SFMBT2: variants seen among roughly 807,000 people sequenced by gnomAD.
SFMBT2 encodes scm-like with four MBT domains protein 2.
Under a neutral mutation model 110.1 loss-of-function variants are expected in SFMBT2, and 38 were observed. The ratio of observed to expected loss-of-function variants is 0.35; its 90% CI spans 0.27 to 0.45. The LOEUF is 0.45. SFMBT2 is among the 20% of genes least tolerant of loss of function. The probability of loss-of-function intolerance (pLI) is 1.00; values close to 1 mark genes in which losing one functional copy is unlikely to be tolerated. For synonymous variants in SFMBT2, 425 were observed against 425.4 expected, an observed-to-expected ratio of 1.00 and a Z score of 0.01; for missense variants, 1,011 against 1,094.9, an observed-to-expected ratio of 0.92 and a Z score of 1.08.
At chr10:7,403,364 C>A (rs1846131642) in intron 1 of SFMBT2, among the ~76,000 whole-genome samples, 1 of 152,204 alleles carries the variant, frequency 6.6e-6, no homozygotes, top group Non-Finnish European at 1.5e-5. Context: ...TAGGCAAGAC[C>A]AGGCATGGTT....
chr10:7,228,731 CTT>C (rs1564395333), intron 9 of SFMBT2, among the ~76,000 whole-genome samples: 41 of 62,444 alleles, frequency 6.6e-4, no homozygotes, highest in African/African-American at 2.1e-3. Flanking sequence ...TTCTTTCTTT[CTT>C]TCCTTTCTCT....
At position 7,205,380 on chromosome 10, in the gene SFMBT2, T is replaced by G. The variant is rs1374710378; in HGVS notation, c.1444+435A>C. The G allele has an allele frequency of 3.1e-6, 3 of 983,310 alleles. No individual in the cohort carries two copies. The African/African-American group carries it at 5.2e-5, about 17-fold the overall frequency. The allele number at this position is 983,310 out of a possible 1,614,324, so 60.9% of individuals were successfully genotyped here. A position where few individuals can be genotyped will look rare whatever the true frequency, so the allele number is the denominator to read the frequency against. On this transcript the variant is annotated intron_variant, in intron 12 of 20. Transcript: ENST00000397167. ...TACTGAGATTATAGGAATGAGGCAC[T>G]GTGCCTAGCCTGGTTAAGTGTTTAT...
In SFMBT2 at chr10:7,171,591, T is replaced by C; in HGVS notation, c.2415+304A>G. Reference sequence around the variant, plus strand: ...AGGGGAGATGCGGGGAAGGAATTTCTGGAAACCCAGACTTCAAAGGAAACT... The same window carrying C: ...AGGGGAGATGCGGGGAAGGAATTTCCGGAAACCCAGACTTCAAAGGAAACT... On this transcript the variant is annotated intron_variant, in intron 19 of 20. Transcript: ENST00000397167. This position sits in a 1 kb window ranked among gnomAD's most constrained non-coding sequence, Gnocchi z 4.9. 2 of 985,132 alleles carry C rather than the reference T, an allele frequency of 2.0e-6. No individual in the cohort carries two copies. The highest frequency in any genetic ancestry group is 2.4e-6 in the Non-Finnish European group (2 of 829,674). The allele number at this position is 985,132 out of a possible 1,614,324, so 61.0% of individuals were successfully genotyped here. A position where few individuals can be genotyped will look rare whatever the true frequency, so the allele number is the denominator to read the frequency against.
intron 9 of SFMBT2, among the ~76,000 whole-genome samples, chr10:7,235,749 T>A (rs1043101566): frequency 4.6e-5 from 7 of 152,028 alleles, no homozygotes; most frequent in Admixed American, 4.6e-4. Flanking sequence ...CAGATAAAAA[T>A]ACAGTGAGGA....
At chr10:7,407,923 T>C (rs1170427166) in intron 1 of SFMBT2, among the ~76,000 whole-genome samples, 1 of 152,140 alleles carries the variant, frequency 6.6e-6, no homozygotes, top group East Asian at 1.9e-4. Context: ...CCCGAGCCCC[T>C]AGGTGCCAGA....
intron 16 of SFMBT2, among the ~76,000 whole-genome samples, chr10:7,179,391 G>GAAAAAAAAAAAA (rs57497418): frequency 2.1e-3 from 150 of 70,314 alleles, no homozygotes; most frequent in East Asian, 2.5e-3. Context: ...TTGCATTTTC[G>GAAAAAAAAAAAA]AAAAAAAAAA....
Position 7,405,713 on chromosome 10 carries a change from C to G in SFMBT2, c.-52+5148G>C, listed in dbSNP as rs181324111. ...AGTGATCATTGAGTGACATTCCAGG[C>G]TAGCACCTTTATTTTGTAGATAAGG... On this transcript the variant is annotated intron_variant, in intron 1 of 20. Transcript: ENST00000397167. Among the ~76,000 whole-genome samples the G allele has an allele frequency of 1.2e-4, 18 of 152,192 alleles. No individual in the cohort carries two copies. In the East Asian group the frequency reaches 2.9e-3, roughly 24 times the overall value.
intron 20 of SFMBT2, among the ~76,000 whole-genome samples, chr10:7,168,527 G>A (rs1837766799): frequency 6.6e-6 from 1 of 152,202 alleles, no homozygotes; most frequent in South Asian, 2.1e-4. Context: ...ATGCACACAG[G>A]GACTGACAGA....
At chr10:7,280,228 G>A (rs1341453062) in intron 6 of SFMBT2, among the ~76,000 whole-genome samples, 1 of 152,174 alleles carries the variant, frequency 6.6e-6, no homozygotes, top group East Asian at 1.9e-4. Flanking sequence ...GTAAATGTTT[G>A]TTGTTTAAGC....
intron 12 of SFMBT2, chr10:7,204,211 G>T: frequency 2.5e-6 from 1 of 403,952 alleles, no homozygotes; most frequent in Non-Finnish European, 3.4e-6. Flanking sequence ...TGAACTACCT[G>T]CTTGTTTCAC....
At chr10:7,194,534 A>G (rs17423409) in intron 15 of SFMBT2, among the ~76,000 whole-genome samples, 2,725 of 152,250 alleles carry the variant, frequency 0.018, 43 homozygotes, top group Admixed American at 0.036. Flanking sequence ...CAAGTTCCTA[A>G]TAACACCGAT....
At chr10:7,189,543 T>C (rs998758000) in intron 15 of SFMBT2, among the ~76,000 whole-genome samples, 3 of 152,212 alleles carry the variant, frequency 2.0e-5, no homozygotes, top group Non-Finnish European at 4.4e-5. Flanking sequence ...ATGATTAACA[T>C]TGATGAGTTC....
At position 7,228,715 on chromosome 10, in the gene SFMBT2, CTTT is replaced by C. The variant is rs1564395153; in HGVS notation, c.1121-781_1121-779del. Among the ~76,000 whole-genome samples, 345 of 132,310 alleles carry C rather than the reference CTTT, an allele frequency of 2.6e-3. 1 individual carries two copies. The highest frequency in any genetic ancestry group is 5.2e-3 in the African/African-American group (169 of 32,530). The allele number at this position is 132,310 out of a possible 152,430, so 86.8% of individuals were successfully genotyped here. ...TCTTTCTTTCTTTCTTTCTTTCTTT[CTTT>C]CTTTCTTTCTTTCTTTCCTTTCTCT... On this transcript the variant is annotated intron_variant, in intron 9 of 20. Coordinates refer to ENST00000397167, the MANE Select transcript of SFMBT2 (RefSeq NM_001387889.1).
chr10:7,205,788 A>AC (rs763776586), intron 12 of SFMBT2, 27 bp downstream of exon 12: 22 of 1,606,580 alleles, frequency 1.4e-5, no homozygotes, highest in Non-Finnish European at 1.7e-5. Context: ...GGTGTCATCC[A>AC]CCCCCCCTCA....
intron 15 of SFMBT2, among the ~76,000 whole-genome samples, chr10:7,194,814 G>A (rs902815842): frequency 5.9e-5 from 9 of 152,194 alleles, no homozygotes; most frequent in East Asian, 3.9e-4. Context: ...CTCTGGACTC[G>A]GCTTTAAATT....
intron 4 of SFMBT2, among the ~76,000 whole-genome samples, chr10:7,344,328 C>T (rs1844032607): frequency 6.6e-6 from 1 of 151,984 alleles, no homozygotes; most frequent in South Asian, 2.1e-4. Context: ...AGGTGGAGAC[C>T]ATTGAATCAT....
intron 7 of SFMBT2, among the ~76,000 whole-genome samples, chr10:7,250,258 G>A (rs1252024720): frequency 6.6e-6 from 1 of 152,034 alleles, no homozygotes; most frequent in Non-Finnish European, 1.5e-5. Context: ...CCCTCTAGTA[G>A]TCTCCAGTGT....
In SFMBT2 at chr10:7,160,731, C is replaced by T. The variant is rs1837529654; in HGVS notation, c.*3039G>A. ...CAGAAAAATGCTCCATGAAATTGGCCCTACCTTTAAGACAGACGCTGGTGA... is the reference window on the plus strand; with the variant it reads ...CAGAAAAATGCTCCATGAAATTGGCTCTACCTTTAAGACAGACGCTGGTGA... On this transcript the variant is annotated 3_prime_UTR_variant, in exon 21 of 21. Coordinates refer to ENST00000397167, the MANE Select transcript of SFMBT2 (RefSeq NM_001387889.1). 6.6e-6 allele frequency: 1 copy of T among 152,118 alleles called. No homozygotes were observed. Among genetic ancestry groups the T allele is most frequent in the South Asian group, 2.1e-4 (1 of 4,826 alleles). 9.4% of individuals were successfully genotyped at this position (152,118 alleles called of 1,614,324 possible).
intron 20 of SFMBT2, among the ~76,000 whole-genome samples, chr10:7,168,804 T>G (rs1837780580): frequency 2.0e-5 from 3 of 152,190 alleles, no homozygotes; most frequent in Admixed American, 2.0e-4. Flanking sequence ...CTTTCCTGTT[T>G]GTGTGTTATT....
Sources: allele counts gnomAD v4.1 joint callset (sites outside exome capture counted in the v4.1 genomes callset), GRCh38; gene constraint gnomAD v4.1.1; non-coding constraint Gnocchi (gnomAD v3.1); transcripts MANE v1.5; gene names NCBI Gene and HGNC (gene_info 2026-07-23, HGNC 2026-07-21).